Variants in ZNF44 observed in about 807,000 individuals in gnomAD.
ZNF44 encodes gonadotropin inducible transcription repressor-2.
ZNF44 carries 9 observed loss-of-function variants against 11.7 expected under a neutral mutation model. The observed-to-expected ratio is 0.77, with a 90% CI of 0.46 to 1.35. The LOEUF is 1.35. Among genes scored for constraint, ZNF44 ranks in the 40% most tolerant of loss-of-function variants. ZNF44 has a pLI of 0.00. For synonymous variants in ZNF44, 224 were observed against 242.7 expected, an observed-to-expected ratio of 0.92 and a Z score of 0.72; for missense variants, 696 against 743.1, an observed-to-expected ratio of 0.94 and a Z score of 0.74.
upstream of ZNF44, among the ~76,000 whole-genome samples, chr19:12,238,347 C>A (rs1013437750): frequency 6.6e-6 from 1 of 151,776 alleles, no homozygotes. Context: ...AAAAACTAGG[C>A]CAGGCGCGGT....
At position 12,284,594 on chromosome 19, in the gene ZNF44, G is replaced by A. The variant is rs546303330; in HGVS notation, c.4-8512C>T. On this transcript the variant is annotated intron_variant, in intron 1 of 3. Coordinates refer to ENST00000355684, the MANE Select transcript of ZNF44 (RefSeq NM_016264.4). ...TCAAGGAATCTGAGATCATTGACTT[G>A]TTCCTGGGGGCCTCTCTCAAGGACG... 3 of 715,588 alleles carry A rather than the reference G, an allele frequency of 4.2e-6. No individual in the cohort carries two copies. In the South Asian group the frequency reaches 4.3e-5, roughly 10 times the overall value. The allele number at this position is 715,588 out of a possible 1,614,324, so 44.3% of individuals were successfully genotyped here.
chr19:12,247,380 C>A, downstream of ZNF44: 1 of 1,303,190 alleles, frequency 7.7e-7, no homozygotes, highest in African/African-American at 1.5e-5. Flanking sequence ...AGTGTGCATT[C>A]TCATGTGCAC....
chr19:12,274,197 A>C, intron 3 of ZNF44, 134 bp from the exon 4 acceptor site: 1 of 693,300 alleles, frequency 1.4e-6, no homozygotes, highest in Non-Finnish European at 2.4e-6. Flanking sequence ...GAATGGACTG[A>C]ATGTTGTGCA....
chr19:12,258,233 T>C (rs946254586), intron 5 of ZNF44, among the ~76,000 whole-genome samples: 1 of 144,572 alleles, frequency 6.9e-6, no homozygotes, highest in Non-Finnish European at 1.5e-5. Flanking sequence ...CTCAGGAAGC[T>C]GATGCAGGAG....
Position 12,272,984 on chromosome 19 carries a change from T to C in ZNF44, c.1271A>G (p.Lys424Arg). ...THTGEKPYEC[K>R]QCGKAFRTSS... ...AGTACGGAAGGCTTTCCCACATTGC[T>C]TGCATTCATAGGGTTTCTCTCCAGT... The change falls in exon 4 of 4, where the codon AAG becomes AGG. Residue 424 changes from lysine (K) to arginine (R), a missense_variant. Physicochemically the swap from Lys to Arg is conservative, Grantham distance 26. Coordinates refer to ENST00000355684, the MANE Select transcript of ZNF44 (RefSeq NM_016264.4). 1 of 1,614,082 alleles carries C rather than the reference T, an allele frequency of 6.2e-7. No individual in the cohort carries two copies. Among genetic ancestry groups the C allele is most frequent in the South Asian group, 1.1e-5 (1 of 91,080 alleles).
chr19:12,273,546 AAACAGGGAAGGC>A lies in ZNF44; in HGVS notation c.697_708del (p.Ala233_Val236del). Reference sequence around the variant, plus strand: ...TTTTCATGTCTTAGATAGGAACTGTAAACAGGGAAGGCTTTAGAACACTGCTTACATTCATAT... The same window carrying A: ...TTTTCATGTCTTAGATAGGAACTGTATTTAGAACACTGCTTACATTCATAT... On this transcript the variant is annotated inframe_deletion, in exon 4 of 4. Coordinates refer to ENST00000355684, the MANE Select transcript of ZNF44 (RefSeq NM_016264.4). 1.2e-6 allele frequency: 2 copies of A among 1,613,964 alleles called. No homozygotes were observed. The highest frequency in any genetic ancestry group is 1.7e-6 in the Non-Finnish European group (2 of 1,180,002).
Position 12,273,895 on chromosome 19 carries a change from G to C in ZNF44, c.360C>G (p.Cys120Trp). Reference sequence around the variant, plus strand: ...TGTGTCCAGTATCAACTCTGATGTAGCAATTCAGGGATGAATGACCCATTA... The same window carrying C: ...TGTGTCCAGTATCAACTCTGATGTACCAATTCAGGGATGAATGACCCATTA... ...EVIMGHSSLN[C>W]YIRVDTGHKH... The change falls in exon 4 of 4, where the codon TGC (cysteine) becomes TGG (tryptophan). Residue 120 changes from cysteine to tryptophan, a missense_variant. By Grantham distance (215) the Cys-to-Trp change is radical (BLOSUM62 -2). Transcript: ENST00000355684. The C allele has an allele frequency of 1.9e-6, 3 of 1,614,122 alleles. No homozygotes were observed. Among genetic ancestry groups the C allele is most frequent in the Non-Finnish European group, 2.5e-6 (3 of 1,180,036 alleles).
intron 1 of ZNF44, chr19:12,285,065 C>G (rs889045728): frequency 5.9e-6 from 4 of 677,004 alleles, no homozygotes; most frequent in Non-Finnish European, 1.1e-5. Context: ...TAACCCCTGA[C>G]CTCTGGAAGG....
intron 5 of ZNF44, chr19:12,250,942 T>C (rs1407448946): frequency 3.0e-5 from 12 of 400,004 alleles, no homozygotes; most frequent in Non-Finnish European, 4.5e-5. Context: ...TTTGGAGAAG[T>C]TGGCTGGGCA....
intron 5 of ZNF44, chr19:12,250,494 G>T: frequency 1.2e-6 from 1 of 857,708 alleles, no homozygotes; most frequent in Non-Finnish European, 1.6e-6. Flanking sequence ...TGAATTTGTT[G>T]TCAGAACTCT....
At chr19:12,268,181 C>CA (rs56782420), downstream of ZNF44, among the ~76,000 whole-genome samples, 5 of 140,534 alleles carry the variant, frequency 3.6e-5, no homozygotes, top group Non-Finnish European at 3.1e-5. Context: ...CACACACACA[C>CA]AAGCTCCTTC....
chr19:12,240,013 T>C (rs764023967), upstream of ZNF44, among the ~76,000 whole-genome samples: 11 of 152,178 alleles, frequency 7.2e-5, no homozygotes, highest in East Asian at 1.9e-4. Flanking sequence ...AAAAGATTGC[T>C]GAAACAAATT....
At position 12,273,783 on chromosome 19, in the gene ZNF44, T is replaced by G. The variant is rs762155644; in HGVS notation, c.472A>C (p.Thr158Pro). 1.9e-6 allele frequency: 3 copies of G among 1,614,084 alleles called. No homozygotes were observed. The Admixed American group carries it at 5.0e-5, about 27-fold the overall frequency. Reference protein sequence around the residue: ...KGLSYRHSFQTCERPHTGKKP... With the variant: ...KGLSYRHSFQPCERPHTGKKP... Reference sequence around the variant, plus strand: ...TTTCCAGTGTGAGGCCTTTCACATGTTTGAAAGGAGTGGCGATAACTTAAG... The same window carrying G: ...TTTCCAGTGTGAGGCCTTTCACATGGTTGAAAGGAGTGGCGATAACTTAAG... Residue 158 changes from threonine (T) to proline (P), a missense_variant, in exon 4 of 4, where the codon ACA (threonine) becomes CCA (proline). Thr to Pro is a conservative substitution (Grantham distance 38). Transcript: ENST00000355684.
intron 7 of ZNF44, among the ~76,000 whole-genome samples, chr19:12,249,759 T>C (rs1021801685): frequency 1.3e-5 from 2 of 151,846 alleles, no homozygotes; most frequent in African/African-American, 4.8e-5. Flanking sequence ...TCCATGTTGG[T>C]CAGGCTGGTC....
chr19:12,253,540 C>G (rs1056613419), intron 5 of ZNF44, among the ~76,000 whole-genome samples: 2 of 152,008 alleles, frequency 1.3e-5, no homozygotes, highest in Non-Finnish European at 2.9e-5. Context: ...TAATCTTTAG[C>G]GTACATGTGC....
chr19:12,226,999 G>T (rs970020935), intron 3 of ZNF44, among the ~76,000 whole-genome samples: 1 of 151,998 alleles, frequency 6.6e-6, no homozygotes, highest in Non-Finnish European at 1.5e-5. Flanking sequence ...GTAGGAGGAG[G>T]CTGCAGTGAG....
chr19:12,231,166 G>A (rs1021669351), intron 2 of ZNF44, among the ~76,000 whole-genome samples: 2 of 152,138 alleles, frequency 1.3e-5, no homozygotes, highest in Non-Finnish European at 2.9e-5. Context: ...CAGAACTTCA[G>A]CTTTTCTCAT....
At chr19:12,288,132 A>G (rs1967841198) in intron 1 of ZNF44, among the ~76,000 whole-genome samples, 1 of 152,182 alleles carries the variant, frequency 6.6e-6, no homozygotes, top group Admixed American at 6.6e-5. Context: ...TCAGTTCCAC[A>G]ACAGGGACCC....
chr19:12,273,216 CAA>C lies in ZNF44; in HGVS notation c.1037_1038del (p.Phe346Ter). ...PHKCKICGKG[F>X]DFPGSARIHE... The stretch of plus-strand genomic sequence containing the variant: ...TGAATTCGTGCTGAACCAGGAAAAT[CAA>C]AGCCTTTCCCACATATCTTACATTT... On this transcript the variant is annotated frameshift_variant, in exon 4 of 4. Transcript: ENST00000355684. LOFTEE classifies it low-confidence loss of function (END_TRUNC). 6.2e-7 allele frequency: 1 copy of C among 1,613,996 alleles called. No homozygotes were observed. The highest frequency in any genetic ancestry group is 1.7e-5 in the Admixed American group (1 of 60,020).
Sources: allele counts gnomAD v4.1 joint callset (sites outside exome capture counted in the v4.1 genomes callset), GRCh38; gene constraint gnomAD v4.1.1; transcripts MANE v1.5; gene names NCBI Gene and HGNC (gene_info 2026-07-23, HGNC 2026-07-21).